The following PHYHD1 variants were observed in gnomAD, a reference collection of about 807,000 sequenced individuals.
The protein encoded by PHYHD1 is phytanoyl-CoA dioxygenase domain-containing protein 1.
In PHYHD1, 42 loss-of-function variants were observed where a neutral mutation model predicts 43.6. The observed-to-expected ratio is 0.96, with a 90% CI of 0.75 to 1.25. The LOEUF (loss-of-function observed/expected upper bound fraction) is 1.25. Ranked by LOEUF, PHYHD1 falls within the 50% of genes most tolerant of loss-of-function variation. PHYHD1 has a pLI of 0.00. For missense variants in PHYHD1, 342 were observed against 370.8 expected, an observed-to-expected ratio of 0.92 and a Z score of 0.64; for synonymous variants, 139 against 143.6, an observed-to-expected ratio of 0.97 and a Z score of 0.23.
intron 9 of PHYHD1, among the ~76,000 whole-genome samples, chr9:128,938,565 G>A (rs531339320): frequency 2.0e-5 from 3 of 152,218 alleles, no homozygotes; most frequent in Non-Finnish European, 2.9e-5. Flanking sequence ...GGGATTACAG[G>A]TGCCTGCCAC....
chr9:128,939,357 T>C lies in PHYHD1; in HGVS notation c.458-1012T>C, dbSNP rs1263457651. Reference sequence around the variant, plus strand: ...CACTTTGGGAGGCCGAGGGGGTAGATCACCTAAGGTCAGGAGTTTGAGACC... The same window carrying C: ...CACTTTGGGAGGCCGAGGGGGTAGACCACCTAAGGTCAGGAGTTTGAGACC... On this transcript the variant is annotated intron_variant, in intron 9 of 12. Transcript: ENST00000372592. 7.1e-5 allele frequency among the ~76,000 whole-genome samples: 9 copies of C among 127,064 alleles called. 1 individual carries two copies. The allele number at this position is 127,064 out of a possible 152,430, so 83.4% of individuals were successfully genotyped here.
Position 128,930,496 on chromosome 9 carries a change from A to C in PHYHD1, c.193-3286A>C, listed in dbSNP as rs1476137319. Among the ~76,000 whole-genome samples the C allele has an allele frequency of 2.6e-5, 4 of 151,398 alleles. No individual in the cohort carries two copies. In the East Asian group the frequency reaches 7.8e-4, roughly 30 times the overall value. ...CATGGTGGCTCATGCCTGTAATCCC[A>C]GCACTTTGGGAGGCTGAGGTGGGCA... On this transcript the variant is annotated intron_variant, in intron 4 of 12. Coordinates refer to ENST00000372592, the MANE Select transcript of PHYHD1 (RefSeq NM_001100876.2).
intron 3 of PHYHD1, 186 bp from the exon 4 acceptor site, chr9:128,926,852 T>C (rs780536796): frequency 1.3e-6 from 1 of 774,876 alleles, no homozygotes; most frequent in South Asian, 1.5e-5. Flanking sequence ...CCTCACTACT[T>C]GTTCTTCCAT....
chr9:128,941,982 G>A lies in PHYHD1; in HGVS notation c.*269G>A. ...CCCTTCTCACTCTCCTCTCCTCTCA[G>A]ATGGAACTCTGGTTATTATGGTGTT... On this transcript the variant is annotated 3_prime_UTR_variant, in exon 13 of 13. Transcript: ENST00000372592. 1.8e-6 allele frequency: 1 copy of A among 548,014 alleles called. No homozygotes were observed. Among genetic ancestry groups the A allele is most frequent in the Non-Finnish European group, 3.3e-6 (1 of 306,882 alleles). 33.9% of individuals were successfully genotyped at this position (548,014 alleles called of 1,614,324 possible).
At chr9:128,922,394 G>T (rs888373698) in intron 3 of PHYHD1, 38 bp downstream of exon 3, 6 of 1,541,194 alleles carry the variant, frequency 3.9e-6, no homozygotes, top group Middle Eastern at 2.3e-4. Context: ...GGGTCATGGC[G>T]GGGGGGTCCC....
intron 3 of PHYHD1, among the ~76,000 whole-genome samples, 175 bp downstream of exon 3, chr9:128,922,531 G>A (rs1188730783): frequency 6.6e-6 from 1 of 152,174 alleles, no homozygotes; most frequent in Non-Finnish European, 1.5e-5. Flanking sequence ...CATAGCCCTG[G>A]GTGTCTAGAT....
In PHYHD1 at chr9:128,942,000, A is replaced by G. The variant is rs1376961261; in HGVS notation, c.*287A>G. The G allele has an allele frequency of 4.1e-6, 2 of 483,596 alleles. No homozygotes were observed. The highest frequency in any genetic ancestry group is 7.4e-6 in the Non-Finnish European group (2 of 269,440). 30.0% of individuals were successfully genotyped at this position (483,596 alleles called of 1,614,324 possible). On this transcript the variant is annotated 3_prime_UTR_variant, in exon 13 of 13. Coordinates refer to ENST00000372592, the MANE Select transcript of PHYHD1 (RefSeq NM_001100876.2). Reference sequence around the variant, plus strand: ...CCTCTCAGATGGAACTCTGGTTATTATGGTGTTAGTTATCGAATAAAAACG... The same window carrying G: ...CCTCTCAGATGGAACTCTGGTTATTGTGGTGTTAGTTATCGAATAAAAACG...
chr9:128,931,256 C>T (rs1241692272), intron 4 of PHYHD1, among the ~76,000 whole-genome samples: 2 of 152,024 alleles, frequency 1.3e-5, no homozygotes, highest in African/African-American at 4.8e-5. Flanking sequence ...GGATTACAGG[C>T]GTGTGCCACC....
intron 9 of PHYHD1, 41 bp downstream of exon 9, chr9:128,937,819 G>T (rs1315579356): frequency 1.9e-6 from 3 of 1,613,750 alleles, no homozygotes; most frequent in Non-Finnish European, 1.7e-6. Flanking sequence ...GCCATGGGTG[G>T]GACATCTAAG....
In PHYHD1 at chr9:128,927,140, C is replaced by T. The variant is rs769339542; in HGVS notation, c.136C>T (p.Pro46Ser). The change falls in exon 4 of 13, where the codon CCT (proline) becomes TCT (serine). Residue 46 changes from proline to serine, a missense_variant. Coordinates refer to ENST00000372592, the MANE Select transcript of PHYHD1 (RefSeq NM_001100876.2). ...CGAGATAGTGGCTGAAATGGATGTT[C>T]CTCTCCACTGCCGCACAGAATTCTC... is the stretch of plus-strand genomic sequence containing the variant. ...IGEIVAEMDV[P>S]LHCRTEFSTQ... 14 of 1,613,990 alleles carry T rather than the reference C, an allele frequency of 8.7e-6. No individual in the cohort carries two copies. Among genetic ancestry groups the T allele is most frequent in the Non-Finnish European group, 1.2e-5 (14 of 1,180,034 alleles).
Position 128,936,505 on chromosome 9 carries a change from T to C in PHYHD1, c.372+2T>C, listed in dbSNP as rs150431929. The stretch of plus-strand genomic sequence containing the variant: ...ATCACACACTCCTTCAAGGTGCAGG[T>C]GAGCAGAGGTGGGGGTGAGGGCCAG... On this transcript the variant is annotated splice_donor_variant, in intron 7 of 12. Transcript: ENST00000372592. LOFTEE classifies it high-confidence loss of function. 511 of 1,613,688 alleles carry C rather than the reference T, an allele frequency of 3.2e-4. No individual in the cohort carries two copies. The highest frequency in any genetic ancestry group is 5.2e-4 in the Admixed American group (31 of 59,940).
At chr9:128,926,719 CAGCT>C in intron 3 of PHYHD1, 1 of 383,552 alleles carries the variant, frequency 2.6e-6, no homozygotes, top group Non-Finnish European at 5.2e-6. Context: ...CCACCATGCC[CAGCT>C]AACCATGCCC....
At chr9:128,923,328 T>C (rs1841051723) in intron 3 of PHYHD1, among the ~76,000 whole-genome samples, 1 of 152,210 alleles carries the variant, frequency 6.6e-6, no homozygotes, top group African/African-American at 2.4e-5. Flanking sequence ...CCTCCTGCCT[T>C]GGCCTTCCAA....
chr9:128,941,817 T>TC lies in PHYHD1; in HGVS notation c.*108dup. 1.3e-6 allele frequency: 2 copies of TC among 1,514,080 alleles called. No individual in the cohort carries two copies. Among genetic ancestry groups the TC allele is most frequent in the Non-Finnish European group, 1.8e-6 (2 of 1,097,818 alleles). The allele number at this position is 1,514,080 out of a possible 1,614,324, so 93.8% of individuals were successfully genotyped here. A position where few individuals can be genotyped will look rare whatever the true frequency, so the allele number is the denominator to read the frequency against. On this transcript the variant is annotated 3_prime_UTR_variant, in exon 13 of 13. Coordinates refer to ENST00000372592, the MANE Select transcript of PHYHD1 (RefSeq NM_001100876.2). ...CTGGTTGCAACAGGGAGGTCTTGTC[T>TC]CCCCTCCTGGGCTTTCCTCCTGCCC...
At chr9:128,928,695 T>A (rs987513287) in intron 4 of PHYHD1, among the ~76,000 whole-genome samples, 1 of 151,006 alleles carries the variant, frequency 6.6e-6, no homozygotes, top group Non-Finnish European at 1.5e-5. Context: ...AGAGCAAGAA[T>A]CCTGTCTCAA....
chr9:128,940,387 C>T lies in PHYHD1; in HGVS notation c.476C>T (p.Ala159Val). 2 of 1,614,208 alleles carry T rather than the reference C, an allele frequency of 1.2e-6. No homozygotes were observed. The highest frequency in any genetic ancestry group is 1.7e-6 in the Non-Finnish European group (2 of 1,180,044). Residue 159 changes from alanine (A) to valine (V), a missense_variant, in exon 10 of 13, where the codon GCC becomes GTC. Coordinates refer to ENST00000372592, the MANE Select transcript of PHYHD1 (RefSeq NM_001100876.2). ...FGGEVSPHQDASFLYTEPLGR... is the reference protein window; with the variant it reads ...FGGEVSPHQDVSFLYTEPLGR... ...TGCTTAGTCTCCCCTCATCAGGACG[C>T]CTCCTTCCTGTACACGGAGCCCCTG...
rs554129855 is a variant in PHYHD1, at chr9:128,924,662, C to T, written c.33+2306C>T. On this transcript the variant is annotated intron_variant, in intron 3 of 12. Coordinates refer to ENST00000372592, the MANE Select transcript of PHYHD1 (RefSeq NM_001100876.2). ...AAAGAAAAGAGAAAAGGGCTGGGTG[C>T]GGTGGCTCATGCCTGTAATCCCAGC... Among the ~76,000 whole-genome samples the T allele has an allele frequency of 2.3e-3, 352 of 151,162 alleles. 3 individuals are homozygous for T. Among genetic ancestry groups the T allele is most frequent in the African/African-American group, 8.0e-3 (329 of 41,218 alleles).
At chr9:128,932,175 A>T (rs1235317457) in intron 4 of PHYHD1, among the ~76,000 whole-genome samples, 8,323 of 105,102 alleles carry the variant, frequency 0.079, 667 homozygotes, top group African/African-American at 0.16. Flanking sequence ...TATTGTTATT[A>T]TTATTATTAT....
chr9:128,932,078 GCCC>G (rs1303620141), intron 4 of PHYHD1, among the ~76,000 whole-genome samples: 32 of 151,342 alleles, frequency 2.1e-4, no homozygotes, highest in Non-Finnish European at 4.0e-4. Context: ...CGGGTGATCT[GCCC>G]ACCTCAGCCT....
Sources: allele counts gnomAD v4.1 joint callset (sites outside exome capture counted in the v4.1 genomes callset), GRCh38; gene constraint gnomAD v4.1.1; transcripts MANE v1.5; gene names NCBI Gene and HGNC (gene_info 2026-07-23, HGNC 2026-07-21).